Variants in ATP6V1H observed in about 807,000 individuals in gnomAD.
ATP6V1H encodes ATPase H+ transporting V1 subunit H.
Under a neutral mutation model 71.7 loss-of-function variants are expected in ATP6V1H, and 39 were observed. That is an observed-to-expected ratio of 0.54 (90% CI 0.42 to 0.71). ATP6V1H has a LOEUF of 0.71. Among genes scored for constraint, ATP6V1H ranks in the 30% least tolerant of loss-of-function variants. The pLI, the probability that ATP6V1H is intolerant of heterozygous loss-of-function variation, is 0.00. For missense variants in ATP6V1H, 509 were observed against 594.9 expected, an observed-to-expected ratio of 0.86 and a Z score of 1.50; for synonymous variants, 192 against 199.3, an observed-to-expected ratio of 0.96 and a Z score of 0.31.
At chr8:53,757,240 G>A (rs542692028) in intron 11 of ATP6V1H, among the ~76,000 whole-genome samples, 3 of 152,238 alleles carry the variant, frequency 2.0e-5, no homozygotes, top group Non-Finnish European at 2.9e-5. Context: ...ATTGTCACTG[G>A]AGCCTGACGG....
At chr8:53,750,516 T>A (rs1807753961) in intron 12 of ATP6V1H, among the ~76,000 whole-genome samples, 1 of 152,086 alleles carries the variant, frequency 6.6e-6, no homozygotes, top group South Asian at 2.1e-4. Context: ...TCACTTAAAG[T>A]CTCAGTTTCC....
At chr8:53,758,437 C>G (rs986025712) in intron 11 of ATP6V1H, among the ~76,000 whole-genome samples, 1 of 152,044 alleles carries the variant, frequency 6.6e-6, no homozygotes, top group African/African-American at 2.4e-5. Flanking sequence ...GCATTTTGTC[C>G]CTAACTATCC....
intron 4 of ATP6V1H, among the ~76,000 whole-genome samples, chr8:53,821,546 C>T (rs1416807731): frequency 6.6e-6 from 1 of 151,312 alleles, no homozygotes; most frequent in East Asian, 2.0e-4. Context: ...CTGGGCACGG[C>T]GGCACACGCC....
chr8:53,757,318 C>A (rs754512694), intron 11 of ATP6V1H, among the ~76,000 whole-genome samples: 2 of 152,116 alleles, frequency 1.3e-5, no homozygotes, highest in African/African-American at 2.4e-5. Flanking sequence ...CTTCTGCTAC[C>A]CTCCTCAAGG....
intron 9 of ATP6V1H, among the ~76,000 whole-genome samples, chr8:53,781,681 A>G (rs1323982525): frequency 1.3e-5 from 2 of 151,972 alleles, no homozygotes; most frequent in African/African-American, 2.4e-5. Flanking sequence ...TAGGTCTAAC[A>G]TTTAAGTCTT....
rs1339894260 is a variant in ATP6V1H, at chr8:53,748,347, C to T, written c.1278-4657G>A. 2.6e-5 allele frequency among the ~76,000 whole-genome samples: 4 copies of T among 152,052 alleles called. No homozygotes were observed. In the South Asian group the frequency reaches 6.2e-4, roughly 24 times the overall value. Reference sequence around the variant, plus strand: ...TGAAAAGGTGGTGTAAATGGTATTCCTATATACTGCCAGGGGGACTCTGAA... The same window carrying T: ...TGAAAAGGTGGTGTAAATGGTATTCTTATATACTGCCAGGGGGACTCTGAA... On this transcript the variant is annotated intron_variant, in intron 12 of 13. Transcript: ENST00000359530.
At chr8:53,749,503 T>C (rs1267531248) in intron 12 of ATP6V1H, among the ~76,000 whole-genome samples, 1 of 152,062 alleles carries the variant, frequency 6.6e-6, no homozygotes, top group Non-Finnish European at 1.5e-5. Context: ...TGCCACCTCT[T>C]CTCCTCCTCA....
intron 9 of ATP6V1H, among the ~76,000 whole-genome samples, chr8:53,784,339 A>G (rs1159174755): frequency 1.3e-5 from 2 of 152,168 alleles, no homozygotes; most frequent in Admixed American, 1.3e-4. Flanking sequence ...AGTCTGTTTT[A>G]TCAGAGACTA....
At chr8:53,794,188 G>C (rs1692575993) in intron 9 of ATP6V1H, among the ~76,000 whole-genome samples, 1 of 151,606 alleles carries the variant, frequency 6.6e-6, no homozygotes, top group Non-Finnish European at 1.5e-5. Context: ...TATATATTAA[G>C]AATAAAGTTA....
At chr8:53,736,140 T>C (rs1222573157) in intron 13 of ATP6V1H, among the ~76,000 whole-genome samples, 1 of 152,222 alleles carries the variant, frequency 6.6e-6, no homozygotes, top group African/African-American at 2.4e-5. Context: ...ACTCAATCTT[T>C]TTCCCAGGTA....
At chr8:53,738,140 A>G (rs1030474280) in intron 13 of ATP6V1H, among the ~76,000 whole-genome samples, 3 of 152,172 alleles carry the variant, frequency 2.0e-5, no homozygotes, top group African/African-American at 4.8e-5. Context: ...TACTAAAAAT[A>G]TAAAAAATTA....
At chr8:53,738,539 A>C (rs1007322471) in intron 13 of ATP6V1H, among the ~76,000 whole-genome samples, 3 of 152,224 alleles carry the variant, frequency 2.0e-5, no homozygotes, top group African/African-American at 7.2e-5. Flanking sequence ...GCCAATCGTA[A>C]GCAAACAAAA....
chr8:53,754,271 T>A (rs935016378), intron 12 of ATP6V1H, among the ~76,000 whole-genome samples: 1 of 152,058 alleles, frequency 6.6e-6, no homozygotes. Flanking sequence ...TCCTACAGTA[T>A]CAACCCCTCA....
chr8:53,726,534 C>T (rs971435023), intron 13 of ATP6V1H, among the ~76,000 whole-genome samples: 33 of 152,250 alleles, frequency 2.2e-4, no homozygotes, highest in African/African-American at 7.7e-4. Context: ...CTATTCTACC[C>T]TGCTACCCAG....
intron 9 of ATP6V1H, among the ~76,000 whole-genome samples, chr8:53,787,847 A>G (rs1809433845): frequency 6.6e-6 from 1 of 152,210 alleles, no homozygotes. Flanking sequence ...TTTCAAAAAT[A>G]AAATTCATCC....
At chr8:53,758,803 G>C (rs1286126330) in intron 11 of ATP6V1H, among the ~76,000 whole-genome samples, 2 of 152,224 alleles carry the variant, frequency 1.3e-5, no homozygotes, top group African/African-American at 4.8e-5. Context: ...ATGTTTTACT[G>C]GAACACAGCC....
chr8:53,767,145 G>C lies in ATP6V1H; in HGVS notation c.1175+2473C>G, dbSNP rs935648778. 3.3e-5 allele frequency among the ~76,000 whole-genome samples: 5 copies of C among 152,074 alleles called. No individual in the cohort carries two copies. In the East Asian group the frequency reaches 5.8e-4, roughly 18 times the overall value. ...TATTTCTCAAGCCAGCTGACACTTA[G>C]GAAAATAGAAAAGAACCTACGTGAT... On this transcript the variant is annotated intron_variant, in intron 11 of 13. Transcript: ENST00000359530.
chr8:53,780,271 C>T (rs1809060214), intron 9 of ATP6V1H, among the ~76,000 whole-genome samples: 1 of 152,002 alleles, frequency 6.6e-6, no homozygotes, highest in African/African-American at 2.4e-5. Context: ...ACCAACTTCC[C>T]TCTAAATTGT....
At chr8:53,809,060 A>G (rs939054214) in intron 7 of ATP6V1H, among the ~76,000 whole-genome samples, 12 of 152,202 alleles carry the variant, frequency 7.9e-5, no homozygotes, top group African/African-American at 2.9e-4. Context: ...CAACTTGAGG[A>G]ATGCCTAAAG....
Sources: gnomAD v4.1 joint callset for allele counts (sites outside exome capture counted in the v4.1 genomes callset) on GRCh38, gnomAD v4.1.1 for gene constraint, MANE v1.5 for transcripts, NCBI Gene and HGNC (gene_info 2026-07-23, HGNC 2026-07-21) for gene names.